The following MRPS22 variants were observed in gnomAD, a reference collection of about 807,000 sequenced individuals.
The protein encoded by MRPS22 is small ribosomal subunit protein mS22.
A neutral mutation model predicts 44.0 loss-of-function variants in MRPS22; 30 were observed. That is an observed-to-expected ratio of 0.68 (90% confidence interval 0.51 to 0.93). MRPS22 has a LOEUF of 0.93. Ranked by LOEUF, MRPS22 falls within the 40% of genes least tolerant of loss-of-function variation. The pLI is 0.00. For missense variants in MRPS22, 447 were observed against 447.8 expected (o/e 1.00, Z 0.02); for synonymous variants, 165 against 154.4 (o/e 1.07, Z -0.51).
Position 139,354,766 on chromosome 3 carries a change from T to C in MRPS22, c.879-916T>C, listed in dbSNP as rs1338706320. Among the ~76,000 whole-genome samples the C allele has an allele frequency of 1.1e-4, 16 of 152,200 alleles. No individual in the cohort carries two copies. The South Asian group carries it at 3.3e-3, about 32-fold the overall frequency. On this transcript the variant is annotated intron_variant, in intron 6 of 7. Transcript: ENST00000680020. Reference sequence around the variant, plus strand: ...GAGTGCTAGCTGCGGAAGCACTGAATTAGGGTGTCCTCAGCCCTCCATTCC... The same window carrying C: ...GAGTGCTAGCTGCGGAAGCACTGAACTAGGGTGTCCTCAGCCCTCCATTCC...
Position 139,350,179 on chromosome 3 carries a change from G to C in MRPS22, c.505G>C (p.Glu169Gln). 6.2e-7 allele frequency: 1 copy of C among 1,614,070 alleles called. No individual in the cohort carries two copies. Among genetic ancestry groups the C allele is most frequent in the East Asian group, 2.2e-5 (1 of 44,870 alleles). Residue 169 changes from glutamate to glutamine, a missense_variant and splice_region_variant, in exon 4 of 8, where the codon GAG becomes CAG. Physicochemically the swap from Glu to Gln is conservative, Grantham distance 29 (BLOSUM62 2). Transcript: ENST00000680020. ...TDISYSIPHRERFIVVREPSG... is the reference protein window; with the variant it reads ...TDISYSIPHRQRFIVVREPSG... ...CCTTGATTATGTTTTTCTATTTTAGGAGCGTTTTATTGTCGTCAGAGAACC... is the reference window on the plus strand; with the variant it reads ...CCTTGATTATGTTTTTCTATTTTAGCAGCGTTTTATTGTCGTCAGAGAACC...
chr3:139,353,769 TCATACC>T (rs759380569), intron 6 of MRPS22, among the ~76,000 whole-genome samples: 2 of 152,206 alleles, frequency 1.3e-5, no homozygotes, highest in Non-Finnish European at 2.9e-5. Context: ...AAATATACCT[TCATACC>T]CCATAATTGG....
Position 139,344,197 on chromosome 3 carries a change from C to A in MRPS22, c.171C>A (p.Ala57=). ...GLPRRRFSSE[A]AESGSPETKK... is the part of the protein sequence containing the mutation. ...CACGCCGCCGGTTCAGCTCCGAGGC[C>A]GGTAAGTGACCTTCCGGACTTTCGC... The change falls in exon 1 of 8, where the codon GCC becomes GCA. Residue 57 remains alanine, a splice_region_variant and synonymous_variant. Coordinates refer to ENST00000680020, the MANE Select transcript of MRPS22 (RefSeq NM_020191.4). The A allele has an allele frequency of 6.2e-7, 1 of 1,605,550 alleles. No homozygotes were observed. The highest frequency in any genetic ancestry group is 2.2e-5 in the East Asian group (1 of 44,658).
In MRPS22 at chr3:139,356,936, A is replaced by C; in HGVS notation, c.1005A>C (p.Glu335Asp). 1 of 1,612,796 alleles carries C rather than the reference A, an allele frequency of 6.2e-7. No individual in the cohort carries two copies. The highest frequency in any genetic ancestry group is 8.5e-7 in the Non-Finnish European group (1 of 1,179,272). ...INLIKVFAKTEAQKGAYIELT... is the reference protein window; with the variant it reads ...INLIKVFAKTDAQKGAYIELT... ...TTAAACAGGTCTTTGCAAAAACAGAAGCACAGAAGGGAGCCTATATAGAAC... is the reference window on the plus strand; with the variant it reads ...TTAAACAGGTCTTTGCAAAAACAGACGCACAGAAGGGAGCCTATATAGAAC... The change falls in exon 8 of 8, where the codon GAA (glutamate) becomes GAC (aspartate). Residue 335 changes from glutamate (E) to aspartate (D), a missense_variant. Transcript: ENST00000680020.
Position 139,349,139 on chromosome 3 carries a change from A to G in MRPS22, c.504+815A>G, listed in dbSNP as rs147565377. 1.4e-3 allele frequency: 461 copies of G among 338,340 alleles called. 15 individuals carry two copies. The East Asian group carries it at 0.026, about 19-fold the overall frequency. 21.0% of individuals were successfully genotyped at this position (338,340 alleles called of 1,614,324 possible). ...AATGAACATGAGTCACAGAGTTTCA[A>G]TTTTAATTACAGTTTTTGTTTTGTG... On this transcript the variant is annotated intron_variant, in intron 3 of 7. Coordinates refer to ENST00000680020, the MANE Select transcript of MRPS22 (RefSeq NM_020191.4).
chr3:139,347,155 G>A (rs1222346337), intron 2 of MRPS22, 111 bp downstream of exon 2: 3 of 1,198,036 alleles, frequency 2.5e-6, no homozygotes, highest in Non-Finnish European at 2.5e-6. Context: ...ACTAGTGAAA[G>A]GTAATACCAG....
intron 2 of MRPS22, 52 bp downstream of exon 2, chr3:139,347,096 A>G: frequency 6.2e-7 from 1 of 1,600,498 alleles, no homozygotes; most frequent in South Asian, 1.1e-5. Context: ...GGGTTTAAAC[A>G]ACATTTCTAG....
chr3:139,355,565 C>T, intron 6 of MRPS22, 117 bp from the exon 7 acceptor site: 1 of 866,776 alleles, frequency 1.2e-6, no homozygotes, highest in Non-Finnish European at 1.9e-6. Flanking sequence ...TTCCCCAATC[C>T]CTCCAGCCTG....
Position 139,348,224 on chromosome 3 carries a change from G to A in MRPS22, c.404G>A (p.Arg135Gln), listed in dbSNP as rs774237195. 9 of 1,613,992 alleles carry A rather than the reference G, an allele frequency of 5.6e-6. No individual in the cohort carries two copies. Among genetic ancestry groups the A allele is most frequent in the Non-Finnish European group, 7.6e-6 (9 of 1,179,986 alleles). ...RLKMPPVLEE[R>Q]VPINDVLAED... ...AAAATGCCACCAGTTCTGGAAGAGC[G>A]AGTACCAATAAATGATGTGTTAGCT... The change falls in exon 3 of 8, where the codon CGA becomes CAA. Residue 135 changes from arginine (R) to glutamine (Q), a missense_variant. Physicochemically the swap from Arg to Gln is conservative, Grantham distance 43 (BLOSUM62 1). Transcript: ENST00000680020.
chr3:139,352,858 C>T, intron 6 of MRPS22, 66 bp downstream of exon 6: 1 of 1,538,494 alleles, frequency 6.5e-7, no homozygotes, highest in Non-Finnish European at 8.9e-7. Context: ...TGTATTTAGG[C>T]TATGGTATTT....
At chr3:139,353,199 T>C (rs1314254314) in intron 6 of MRPS22, among the ~76,000 whole-genome samples, 1 of 152,216 alleles carries the variant, frequency 6.6e-6, no homozygotes, top group African/African-American at 2.4e-5. Context: ...TCCTTTAACT[T>C]ATGAAAATAC....
chr3:139,350,068 T>C (rs1941116307), intron 3 of MRPS22, 111 bp from the exon 4 acceptor site: 13 of 1,279,122 alleles, frequency 1.0e-5, no homozygotes, highest in Non-Finnish European at 1.3e-5. Context: ...ATATGCATGA[T>C]TGCATTTTAT....
In MRPS22 at chr3:139,356,961, C is replaced by G; in HGVS notation, c.1030C>G (p.Leu344Val). The change falls in exon 8 of 8, where the codon CTA becomes GTA. Residue 344 changes from leucine (L) to valine (V), a missense_variant. Leu to Val is a conservative substitution (Grantham distance 32). Transcript: ENST00000680020. The stretch of plus-strand genomic sequence containing the variant: ...AGCACAGAAGGGAGCCTATATAGAA[C>G]TAACACTGCAGACTTATCAAGAAGC... Reference protein sequence around the residue: ...TEAQKGAYIELTLQTYQEALS... With the variant: ...TEAQKGAYIEVTLQTYQEALS... The G allele has an allele frequency of 6.2e-7, 1 of 1,613,188 alleles. No individual in the cohort carries two copies. The highest frequency in any genetic ancestry group is 2.2e-5 in the East Asian group (1 of 44,820).
chr3:139,355,830 A>G (rs1941243715), intron 7 of MRPS22, 40 bp downstream of exon 7: 1 of 1,481,050 alleles, frequency 6.8e-7, no homozygotes. Context: ...TGTGGTGGTA[A>G]TTGAGCTGGG....
Position 139,344,061 on chromosome 3 carries a change from G to C in MRPS22, c.35G>C (p.Ser12Thr). ...APLGTTVLLW[S>T]LLRSSPGVER... ...CTCGGAACAACTGTATTGCTGTGGA[G>C]CCTCTTGAGGAGTTCTCCGGGCGTG... is the stretch of plus-strand genomic sequence containing the variant. The change falls in exon 1 of 8, where the codon AGC (serine) becomes ACC (threonine). Residue 12 changes from serine to threonine, a missense_variant. By Grantham distance (58) the Ser-to-Thr change is moderately conservative (BLOSUM62 1). Coordinates refer to ENST00000680020, the MANE Select transcript of MRPS22 (RefSeq NM_020191.4). 1 of 1,614,192 alleles carries C rather than the reference G, an allele frequency of 6.2e-7. No individual in the cohort carries two copies. The highest frequency in any genetic ancestry group is 8.5e-7 in the Non-Finnish European group (1 of 1,180,034).
In MRPS22 at chr3:139,348,184, G is replaced by A; in HGVS notation, c.364G>A (p.Ala122Thr). Reference sequence around the variant, plus strand: ...GGCTACAAGACAGGCAGTTGAGGCAGCTAAAGTACGATTAAAAATGCCACC... The same window carrying A: ...GGCTACAAGACAGGCAGTTGAGGCAACTAAAGTACGATTAAAAATGCCACC... Reference protein sequence around the residue: ...EEATRQAVEAAKVRLKMPPVL... With the variant: ...EEATRQAVEATKVRLKMPPVL... Residue 122 changes from alanine (A) to threonine (T), a missense_variant, in exon 3 of 8, where the codon GCT becomes ACT. Transcript: ENST00000680020. The A allele has an allele frequency of 6.2e-7, 1 of 1,614,088 alleles. No individual in the cohort carries two copies. Among genetic ancestry groups the A allele is most frequent in the Non-Finnish European group, 8.5e-7 (1 of 1,179,996 alleles).
intron 1 of MRPS22, 124 bp from the exon 2 acceptor site, chr3:139,346,754 A>G (rs1941044740): frequency 1.0e-5 from 9 of 894,442 alleles, no homozygotes; most frequent in Non-Finnish European, 1.6e-5. Context: ...CATAGGTATT[A>G]GCATTTTGCA....
At chr3:139,344,693 C>G (rs1277334840) in intron 1 of MRPS22, 3 of 701,204 alleles carry the variant, frequency 4.3e-6, no homozygotes, top group African/African-American at 1.7e-5. Context: ...AGACTGAGCA[C>G]AGATATTTGG....
At chr3:139,346,398 A>G (rs1037777222) in intron 1 of MRPS22, among the ~76,000 whole-genome samples, 4 of 152,254 alleles carry the variant, frequency 2.6e-5, no homozygotes, top group Admixed American at 6.5e-5. Flanking sequence ...GCTATGATAA[A>G]TTGGAAACCA....
Sources: gnomAD v4.1 joint callset for allele counts (sites outside exome capture counted in the v4.1 genomes callset) on GRCh38, gnomAD v4.1.1 for gene constraint, MANE v1.5 for transcripts, NCBI Gene and HGNC (gene_info 2026-07-23, HGNC 2026-07-21) for gene names.